The following CREB5 variants were observed in gnomAD, a reference collection of about 807,000 sequenced individuals.
CREB5 encodes cAMP responsive element binding protein 5.
CREB5 carries 19 observed loss-of-function variants against 57.1 expected under a neutral mutation model. The ratio of observed to expected loss-of-function variants is 0.33; its 90% CI spans 0.23 to 0.49. CREB5 has a LOEUF of 0.49. Among genes scored for constraint, CREB5 ranks in the 20% least tolerant of loss-of-function variants. CREB5 has a pLI of 0.99. For synonymous variants in CREB5, 238 were observed against 238.3 expected (o/e 1.00, Z 0.01); for missense variants, 579 against 671.6 (o/e 0.86, Z 1.52).
Position 28,469,522 on chromosome 7 carries a change from G to A in CREB5, c.4-18653G>A, listed in dbSNP as rs544562322. Among the ~76,000 whole-genome samples the A allele has an allele frequency of 2.6e-5, 4 of 152,282 alleles. No homozygotes were observed. The South Asian group carries it at 8.3e-4, about 32-fold the overall frequency. On this transcript the variant is annotated intron_variant, in intron 1 of 10. Coordinates refer to ENST00000357727, the MANE Select transcript of CREB5 (RefSeq NM_182898.4). ...GCCACATAAACATAAGTTCATACAT[G>A]AATAAAAATTAATGTCTCTGCCAAT...
chr7:28,517,049 G>A (rs1292705098), intron 4 of CREB5, among the ~76,000 whole-genome samples: 1 of 152,138 alleles, frequency 6.6e-6, no homozygotes, highest in Admixed American at 6.5e-5. Flanking sequence ...TGTTTTCTGG[G>A]CCAGATTAAA....
intron 1 of CREB5, among the ~76,000 whole-genome samples, chr7:28,348,756 A>G (rs79360698): frequency 6.6e-6 from 1 of 152,152 alleles, no homozygotes; most frequent in Non-Finnish European, 1.5e-5. Flanking sequence ...AATTCAAGCC[A>G]GTCCAGGTAC....
intron 1 of CREB5, among the ~76,000 whole-genome samples, chr7:28,447,872 T>C (rs529331667): frequency 1.3e-5 from 2 of 152,276 alleles, no homozygotes; most frequent in South Asian, 2.1e-4. Context: ...CGAAATCCAC[T>C]AAAGAAAACA....
In CREB5 at chr7:28,825,432, A is replaced by C. The variant is rs1278550720; in HGVS notation, c.*6153A>C. ...AGGCCCAGAAAAATAGCTCAGTTCA[A>C]ATACAATGTTCTAGGACAATTGGAA... is the stretch of plus-strand genomic sequence containing the variant. On this transcript the variant is annotated 3_prime_UTR_variant, in exon 11 of 11. Coordinates refer to ENST00000357727, the MANE Select transcript of CREB5 (RefSeq NM_182898.4). 1.3e-5 allele frequency: 2 copies of C among 152,606 alleles called. No homozygotes were observed. Among genetic ancestry groups the C allele is most frequent in the Non-Finnish European group, 2.9e-5 (2 of 68,036 alleles). The allele number at this position is 152,606 out of a possible 1,614,324, so 9.5% of individuals were successfully genotyped here.
intron 4 of CREB5, among the ~76,000 whole-genome samples, chr7:28,510,681 A>T (rs2128608694): frequency 6.6e-6 from 1 of 152,204 alleles, no homozygotes; most frequent in East Asian, 1.9e-4. Flanking sequence ...GAAGCATCCC[A>T]ATGTGTATAT....
rs1297696946 is a variant in CREB5 at position 28,598,860 on chromosome 7, G to T, written c.464+28323G>T. Among the ~76,000 whole-genome samples the T allele has an allele frequency of 2.0e-5, 3 of 152,134 alleles. No individual in the cohort carries two copies. The East Asian group carries it at 5.8e-4, about 29-fold the overall frequency. On this transcript the variant is annotated intron_variant, in intron 5 of 10. Coordinates refer to ENST00000357727, the MANE Select transcript of CREB5 (RefSeq NM_182898.4). ...TAAAGTAAGGCAGAATTACTTCTGT[G>T]CTGTGGTGTATTTTAAAAAGCTTTC...
chr7:28,527,817 CA>C (rs1442771667), intron 4 of CREB5, among the ~76,000 whole-genome samples: 4 of 152,116 alleles, frequency 2.6e-5, no homozygotes, highest in African/African-American at 9.6e-5. Context: ...GATCCTGTCT[CA>C]AAAAAATTCT....
At chr7:28,802,344 A>G (rs1385750049) in intron 7 of CREB5, among the ~76,000 whole-genome samples, 1 of 152,116 alleles carries the variant, frequency 6.6e-6, no homozygotes, top group Non-Finnish European at 1.5e-5. Flanking sequence ...CTTAGCAGGT[A>G]GAGGCTCTTT....
chr7:28,534,714 TCTGC>T (rs1793884704), intron 4 of CREB5, among the ~76,000 whole-genome samples: 60 of 139,248 alleles, frequency 4.3e-4, no homozygotes, highest in African/African-American at 5.8e-4. Flanking sequence ...TCAGACACCA[TCTGC>T]ATCATCATCT....
intron 1 of CREB5, among the ~76,000 whole-genome samples, chr7:28,328,937 C>T (rs945393594): frequency 4.0e-4 from 61 of 152,314 alleles, no homozygotes; most frequent in African/African-American, 1.4e-3. Context: ...TATGCAAGTA[C>T]ACTTTTGGTG....
chr7:28,808,127 C>CA (rs1808859762), intron 8 of CREB5, among the ~76,000 whole-genome samples: 1 of 152,216 alleles, frequency 6.6e-6, no homozygotes, highest in South Asian at 2.1e-4. Flanking sequence ...TGACAGGGCT[C>CA]AGTGCTGCTT....
At chr7:28,796,225 G>T (rs1450993205) in intron 7 of CREB5, among the ~76,000 whole-genome samples, 3 of 152,034 alleles carry the variant, frequency 2.0e-5, no homozygotes, top group Non-Finnish European at 4.4e-5. Flanking sequence ...AGTAATCTGG[G>T]TTTTTTGTCT....
At chr7:28,635,832 A>G (rs1003589661) in intron 5 of CREB5, among the ~76,000 whole-genome samples, 2 of 152,138 alleles carry the variant, frequency 1.3e-5, no homozygotes, top group Non-Finnish European at 2.9e-5. Flanking sequence ...GCCAGTTGAT[A>G]TGGTGTCTCC....
intron 7 of CREB5, among the ~76,000 whole-genome samples, chr7:28,779,523 A>G (rs958012699): frequency 6.6e-6 from 1 of 152,168 alleles, no homozygotes; most frequent in Non-Finnish European, 1.5e-5. Flanking sequence ...TCAATTGGTG[A>G]CAGTTCCCGT....
chr7:28,365,729 C>T (rs544059803), intron 1 of CREB5, among the ~76,000 whole-genome samples: 32 of 152,346 alleles, frequency 2.1e-4, no homozygotes, highest in Middle Eastern at 3.4e-3. Flanking sequence ...TGTTGCCAAT[C>T]CAAATGCATT....
intron 7 of CREB5, among the ~76,000 whole-genome samples, chr7:28,790,466 GAGAGAGAGAA>G (rs1562643085): frequency 1.0e-4 from 14 of 136,818 alleles, no homozygotes; most frequent in African/African-American, 3.9e-4. Context: ...GAGAGATAGA[GAGAGAGAGAA>G]AGAAAGAAAG....
At chr7:28,632,807 G>A (rs160360) in intron 5 of CREB5, among the ~76,000 whole-genome samples, 13,024 of 152,128 alleles carry the variant, frequency 0.086, 653 homozygotes, top group Non-Finnish European at 0.11. Flanking sequence ...TTTCCTCACA[G>A]CATTTATCAT....
At chr7:28,756,026 T>C (rs1292966149) in intron 7 of CREB5, among the ~76,000 whole-genome samples, 1 of 152,128 alleles carries the variant, frequency 6.6e-6, no homozygotes, top group East Asian at 1.9e-4. Context: ...TTGCTATAGA[T>C]TTTTAAAAAT....
At position 28,494,907 on chromosome 7, in the gene CREB5, G is replaced by A. The variant is rs765299339; in HGVS notation, c.77G>A (p.Arg26His). Residue 26 changes from arginine (R) to histidine (H), a missense_variant and splice_region_variant, in exon 3 of 11, where the codon CGC (arginine) becomes CAC (histidine). Arg to His is a conservative substitution (Grantham distance 29). This residue lies in a region of CREB5 where 459 missense variants were observed against 515.7 expected (regional missense o/e 0.89). Coordinates refer to ENST00000357727, the MANE Select transcript of CREB5 (RefSeq NM_182898.4). ...FVCSAPGCSQ[R>H]FPTEDHLMIH... ...CCTTTTTTTTTATTCGTCCGACAGC[G>A]CTTCCCAACAGAGGACCATCTGATG... is the stretch of plus-strand genomic sequence containing the variant. 3.2e-6 allele frequency: 5 copies of A among 1,577,052 alleles called. No homozygotes were observed. Among genetic ancestry groups the A allele is most frequent in the Admixed American group, 2.0e-5 (1 of 49,434 alleles).
Sources: gnomAD v4.1 joint callset for allele counts (sites outside exome capture counted in the v4.1 genomes callset) on GRCh38, gnomAD v4.1.1 for gene constraint, gnomAD v4.1.1 regional missense constraint, MANE v1.5 for transcripts, NCBI Gene and HGNC (gene_info 2026-07-23, HGNC 2026-07-21) for gene names.